Variants in GNB4 observed in about 807,000 individuals in gnomAD.
GNB4 encodes the protein G protein subunit beta 4, also known as guanine nucleotide-binding protein subunit beta-4.
A neutral mutation model predicts 45.2 loss-of-function variants in GNB4; 28 were observed. The ratio of observed to expected loss-of-function variants is 0.62; its 90% CI spans 0.46 to 0.85. GNB4 has a LOEUF of 0.85. Ranked by LOEUF, GNB4 falls within the 40% of genes least tolerant of loss-of-function variation. The pLI is 0.00. For synonymous variants in GNB4, 132 were observed against 143.7 expected (o/e 0.92, Z 0.58); for missense variants, 321 against 425.4 (o/e 0.75, Z 2.16).
At chr3:179,472,791 G>T in the GNB4 span, among the ~76,000 whole-genome samples, 2 of 152,200 alleles carry the variant, frequency 1.3e-5, no homozygotes, top group Non-Finnish European at 2.9e-5. Context: ...ACTTTTGATG[G>T]AGCATTCTAA....
chr3:179,480,945 G>A, the GNB4 span, among the ~76,000 whole-genome samples: 2 of 148,674 alleles, frequency 1.3e-5, no homozygotes, highest in African/African-American at 5.0e-5. Flanking sequence ...TCCGCCTCCC[G>A]GGTTCACCCA....
At chr3:179,416,807 C>T (rs1714812800) in intron 4 of GNB4, among the ~76,000 whole-genome samples, 1 of 152,132 alleles carries the variant, frequency 6.6e-6, no homozygotes, top group Non-Finnish European at 1.5e-5. Context: ...TTTGTGGTAA[C>T]AACATCTTAG....
Position 179,397,210 on chromosome 3 carries a change from TTG to T in GNB4, c.*4001_*4002del, listed in dbSNP as rs1351973967. Reference sequence around the variant, plus strand: ...CCAAGAATAAGCCACAAGTATTCAATTGTGTTACAACTTAGATCTGAGACATT... The same window carrying T: ...CCAAGAATAAGCCACAAGTATTCAATTGTTACAACTTAGATCTGAGACATT... On this transcript the variant is annotated 3_prime_UTR_variant, in exon 10 of 10. Transcript: ENST00000232564. 1.3e-5 allele frequency: 2 copies of T among 152,344 alleles called. No homozygotes were observed. Among genetic ancestry groups the T allele is most frequent in the African/African-American group, 4.8e-5 (2 of 41,580 alleles). 9.4% of individuals were successfully genotyped at this position (152,344 alleles called of 1,614,324 possible).
chr3:179,456,071 C>T (rs976828462), upstream of GNB4, among the ~76,000 whole-genome samples: 4 of 148,272 alleles, frequency 2.7e-5, no homozygotes, highest in African/African-American at 1.0e-4. Flanking sequence ...CTCACTTGGT[C>T]TAGGCAGTCA....
At chr3:179,437,589 A>G (rs1212050848) in intron 1 of GNB4, among the ~76,000 whole-genome samples, 2 of 152,090 alleles carry the variant, frequency 1.3e-5, no homozygotes, top group Admixed American at 1.3e-4. Context: ...CAGACTAAGC[A>G]ATAGCTTCAT....
chr3:179,487,775 G>A, the GNB4 span, among the ~76,000 whole-genome samples: 1 of 152,082 alleles, frequency 6.6e-6, no homozygotes, highest in Non-Finnish European at 1.5e-5. Context: ...GCTTGGCCAG[G>A]TGCGTTGGCT....
At chr3:179,483,426 A>T in the GNB4 span, among the ~76,000 whole-genome samples, 1 of 152,114 alleles carries the variant, frequency 6.6e-6, no homozygotes, top group Non-Finnish European at 1.5e-5. Flanking sequence ...AGGACAGGGG[A>T]AAGGCCCATA....
intron 1 of GNB4, among the ~76,000 whole-genome samples, chr3:179,434,676 A>C (rs1156586772): frequency 1.3e-5 from 2 of 151,632 alleles, no homozygotes; most frequent in Non-Finnish European, 1.5e-5. Flanking sequence ...AGCTGAGATC[A>C]CACCCCTCCA....
the GNB4 span, among the ~76,000 whole-genome samples, chr3:179,479,653 C>T: frequency 6.6e-6 from 1 of 152,278 alleles, no homozygotes; most frequent in East Asian, 1.9e-4. Flanking sequence ...TCCTGATTCA[C>T]TAAGGTCGTC....
intron 8 of GNB4, among the ~76,000 whole-genome samples, chr3:179,409,670 C>T (rs1261027121): frequency 6.0e-5 from 9 of 151,114 alleles, no homozygotes; most frequent in East Asian, 5.8e-4. Flanking sequence ...ATTAGCTGGG[C>T]GTGGTGGTGT....
rs185014774 is a variant in GNB4, at chr3:179,403,117, G to A, written c.917-1798C>T. ...GAAGATGGAAAAAGGAAGAAAGGCAGAAAGGCAGACACAGCAAAGCTTCCT... is the reference window on the plus strand; with the variant it reads ...GAAGATGGAAAAAGGAAGAAAGGCAAAAAGGCAGACACAGCAAAGCTTCCT... On this transcript the variant is annotated intron_variant, in intron 9 of 9. Coordinates refer to ENST00000232564, the MANE Select transcript of GNB4 (RefSeq NM_021629.4). Among the ~76,000 whole-genome samples, 368 of 152,290 alleles carry A rather than the reference G, an allele frequency of 2.4e-3. 4 individuals carry two copies. The highest frequency in any genetic ancestry group is 2.5e-3 in the South Asian group (12 of 4,820).
chr3:179,507,342 T>G, the GNB4 span, among the ~76,000 whole-genome samples: 2 of 151,540 alleles, frequency 1.3e-5, no homozygotes, highest in African/African-American at 4.9e-5. Context: ...TCCTTTGAAG[T>G]GTTCCCAGAG....
Position 179,426,153 on chromosome 3 carries a change from A to G in GNB4, c.48T>C (p.Asn16=), listed in dbSNP as rs1078749. 0.035 allele frequency: 55,951 copies of G among 1,601,692 alleles called. 1,195 individuals are homozygous for G. Among genetic ancestry groups the G allele is most frequent in the Middle Eastern group, 0.14 (832 of 6,026 alleles). The change falls in exon 2 of 10, where the codon AAT becomes AAC. Residue 16 remains asparagine (N), a synonymous_variant. Transcript: ENST00000232564. ...QLRQEAEQLR[N]QIQDARKACN... Reference sequence around the variant, plus strand: ...AATGAAAAGGTTTTACCTGAATCTGATTCCGCAGTTGTTCTGCTTCTTGCC... The same window carrying G: ...AATGAAAAGGTTTTACCTGAATCTGGTTCCGCAGTTGTTCTGCTTCTTGCC...
chr3:179,462,370 T>C, the GNB4 span, among the ~76,000 whole-genome samples: 1 of 152,210 alleles, frequency 6.6e-6, no homozygotes, highest in African/African-American at 2.4e-5. Flanking sequence ...TGAATGATAA[T>C]AGTCTGTGTG....
chr3:179,431,996 G>A (rs990255131), intron 1 of GNB4, among the ~76,000 whole-genome samples: 1 of 152,056 alleles, frequency 6.6e-6, no homozygotes, highest in Non-Finnish European at 1.5e-5. Context: ...AAAATTCCTT[G>A]ACTCCACATT....
At chr3:179,524,279 GTGAGTTGGCCAGTC>G in the GNB4 span, among the ~76,000 whole-genome samples, 1 of 152,370 alleles carries the variant, frequency 6.6e-6, no homozygotes, top group East Asian at 1.9e-4. Context: ...TGGCTGCCGG[GTGAGTTGGCCAGTC>G]TGATTTCCAG....
intron 3 of GNB4, 43 bp downstream of exon 3, chr3:179,420,846 T>A: frequency 7.9e-7 from 1 of 1,265,306 alleles, no homozygotes; most frequent in Non-Finnish European, 1.2e-6. Context: ...GTCAAATTAT[T>A]TTATGAGTTA....
At chr3:179,454,899 C>G (rs1715956278), upstream of GNB4, among the ~76,000 whole-genome samples, 2 of 152,126 alleles carry the variant, frequency 1.3e-5, no homozygotes, top group Non-Finnish European at 2.9e-5. Context: ...CACAGTTTCC[C>G]AAGGACATGA....
At chr3:179,426,341 A>G in intron 1 of GNB4, 99 bp from the exon 2 acceptor site, 2 of 585,994 alleles carry the variant, frequency 3.4e-6, no homozygotes, top group South Asian at 4.8e-5. Flanking sequence ...GGACCTACTG[A>G]AATTCAATGG....
Sources: allele counts gnomAD v4.1 joint callset (sites outside exome capture counted in the v4.1 genomes callset), GRCh38; gene constraint gnomAD v4.1.1; transcripts MANE v1.5; gene names NCBI Gene and HGNC (gene_info 2026-07-23, HGNC 2026-07-21).